Variants in CCDC148 observed in about 807,000 individuals in gnomAD.
CCDC148 encodes the protein coiled-coil domain-containing protein 148.
In CCDC148, 89 loss-of-function variants were observed where a neutral mutation model predicts 85.7. The observed-to-expected ratio is 1.04, with a 90% CI of 0.87 to 1.24. The LOEUF is 1.24. CCDC148 is among the 50% of genes most tolerant of loss of function. The pLI is 0.00. For missense variants in CCDC148, 692 were observed against 671.7 expected (o/e 1.03, Z -0.33); for synonymous variants, 230 against 213.9 (o/e 1.08, Z -0.66).
chr2:158,200,773 T>C (rs1304201247), intron 11 of CCDC148, among the ~76,000 whole-genome samples: 1 of 152,188 alleles, frequency 6.6e-6, no homozygotes, highest in Non-Finnish European at 1.5e-5. Context: ...TTTTCCCTTT[T>C]AATTTAGTAA....
intron 1 of CCDC148, among the ~76,000 whole-genome samples, chr2:158,370,158 G>A (rs1187878862): frequency 6.6e-6 from 1 of 151,980 alleles, no homozygotes; most frequent in African/African-American, 2.4e-5. Flanking sequence ...AGAGTATCAG[G>A]ATAGACAGCT....
chr2:158,296,758 C>T (rs560279298), intron 9 of CCDC148, among the ~76,000 whole-genome samples: 5 of 152,276 alleles, frequency 3.3e-5, no homozygotes, highest in Admixed American at 2.6e-4. Flanking sequence ...AAAACTAAGA[C>T]ATTTTAAGAG....
At chr2:158,328,064 T>C (rs1332357321) in intron 7 of CCDC148, among the ~76,000 whole-genome samples, 1 of 152,110 alleles carries the variant, frequency 6.6e-6, no homozygotes, top group Non-Finnish European at 1.5e-5. Context: ...GTGCACAATG[T>C]GCAGGTTAGT....
intron 1 of CCDC148, among the ~76,000 whole-genome samples, chr2:158,414,537 A>G (rs1330192403): frequency 6.6e-6 from 1 of 151,940 alleles, no homozygotes. Context: ...CATATGTAAC[A>G]AACCTGCACG....
intron 1 of CCDC148, among the ~76,000 whole-genome samples, chr2:158,440,024 AT>A (rs535949500): frequency 0.049 from 7,197 of 145,618 alleles, 246 homozygotes; most frequent in Middle Eastern, 0.07. Flanking sequence ...ACACCCAGAT[AT>A]TTTTTTTTTT....
intron 9 of CCDC148, among the ~76,000 whole-genome samples, chr2:158,294,838 A>C (rs975102629): frequency 5.9e-5 from 9 of 151,552 alleles, no homozygotes; most frequent in African/African-American, 1.9e-4. Context: ...AAAAAACAAA[A>C]AAAAACCTGC....
At chr2:158,268,995 A>G (rs1689587941) in intron 9 of CCDC148, among the ~76,000 whole-genome samples, 1 of 152,166 alleles carries the variant, frequency 6.6e-6, no homozygotes, top group Non-Finnish European at 1.5e-5. Context: ...GGTTGTTTCC[A>G]TATCTTGACT....
At chr2:158,329,257 T>C (rs1035980874) in intron 7 of CCDC148, among the ~76,000 whole-genome samples, 7 of 152,212 alleles carry the variant, frequency 4.6e-5, no homozygotes, top group African/African-American at 1.7e-4. Context: ...CCCAGCACCA[T>C]TTATTAAATA....
chr2:158,259,606 C>T (rs1212249679), intron 9 of CCDC148, among the ~76,000 whole-genome samples: 1 of 120,234 alleles, frequency 8.3e-6, no homozygotes, highest in Non-Finnish European at 1.9e-5. Flanking sequence ...CACATTTTTG[C>T]TTCCCTGCTC....
intron 9 of CCDC148, among the ~76,000 whole-genome samples, chr2:158,284,653 C>T (rs1177007039): frequency 1.8e-4 from 28 of 152,190 alleles, no homozygotes. Context: ...ACTTTTAATG[C>T]TTTCAGGAAT....
chr2:158,342,192 G>C (rs139813641), intron 3 of CCDC148, among the ~76,000 whole-genome samples: 231 of 151,304 alleles, frequency 1.5e-3, no homozygotes, highest in African/African-American at 5.5e-3. Flanking sequence ...ACCATGCCTG[G>C]CTAATTTTTG....
intron 9 of CCDC148, among the ~76,000 whole-genome samples, chr2:158,307,961 T>C (rs1327622352): frequency 3.3e-5 from 5 of 152,152 alleles, no homozygotes; most frequent in Admixed American, 3.3e-4. Context: ...TTCATGGGTA[T>C]GCGTGTGTGT....
At chr2:158,411,967 T>C (rs1372805724) in intron 1 of CCDC148, among the ~76,000 whole-genome samples, 1 of 152,132 alleles carries the variant, frequency 6.6e-6, no homozygotes, top group Non-Finnish European at 1.5e-5. Flanking sequence ...CTGGGAGTAG[T>C]GCAGTGGCTC....
chr2:158,251,479 G>T (rs564680517), intron 9 of CCDC148, among the ~76,000 whole-genome samples: 2 of 151,688 alleles, frequency 1.3e-5, no homozygotes, highest in African/African-American at 4.8e-5. Context: ...GTAAATATGC[G>T]TCACAATATA....
intron 1 of CCDC148, among the ~76,000 whole-genome samples, chr2:158,437,297 T>C (rs1171496351): frequency 3.9e-5 from 6 of 152,296 alleles, no homozygotes; most frequent in East Asian, 1.9e-4. Context: ...GTGGGCTTCA[T>C]CCCTGGGATA....
At position 158,456,726 on chromosome 2, in the gene CCDC148, T is replaced by A; in HGVS notation, c.-287A>T. On this transcript the variant is annotated 5_prime_UTR_variant, in exon 1 of 14. Coordinates refer to ENST00000283233, the MANE Select transcript of CCDC148 (RefSeq NM_138803.4). ...TCTCACACCCACCCTCTCCAGGCCC[T>A]CTCGCGCTGAACAGCATCGGTCTCT... 2.1e-6 allele frequency: 1 copy of A among 476,192 alleles called. No homozygotes were observed. Among genetic ancestry groups the A allele is most frequent in the Admixed American group, 3.7e-5 (1 of 27,168 alleles). The allele number at this position is 476,192 out of a possible 1,614,324, so 29.5% of individuals were successfully genotyped here. A position where few individuals can be genotyped will look rare whatever the true frequency, so the allele number is the denominator to read the frequency against.
At chr2:158,444,279 G>A (rs1260888866) in intron 1 of CCDC148, among the ~76,000 whole-genome samples, 1 of 151,996 alleles carries the variant, frequency 6.6e-6, no homozygotes. Flanking sequence ...GAAATCAAAA[G>A]GTTGAATAGA....
Position 158,456,349 on chromosome 2 carries a change from T to C in CCDC148, c.25+66A>G, listed in dbSNP as rs1018746560. 68 of 1,529,224 alleles carry C rather than the reference T, an allele frequency of 4.4e-5. 2 individuals carry two copies. The South Asian group carries it at 7.0e-4, about 16-fold the overall frequency. 94.7% of individuals were successfully genotyped at this position (1,529,224 alleles called of 1,614,324 possible). A position where few individuals can be genotyped will look rare whatever the true frequency, so the allele number is the denominator to read the frequency against. ...AGTGGCTGCAGAGAACAAACATAAGTAGGATTTAGGTGGCTCAGTGACGTC... is the reference window on the plus strand; with the variant it reads ...AGTGGCTGCAGAGAACAAACATAAGCAGGATTTAGGTGGCTCAGTGACGTC... On this transcript the variant is annotated intron_variant, in intron 1 of 13. Coordinates refer to ENST00000283233, the MANE Select transcript of CCDC148 (RefSeq NM_138803.4).
intron 10 of CCDC148, among the ~76,000 whole-genome samples, chr2:158,225,399 G>C: frequency 6.6e-6 from 1 of 152,068 alleles, no homozygotes; most frequent in Non-Finnish European, 1.5e-5. Flanking sequence ...AGATCAACGA[G>C]ACAGAAAGTT....
Sources: gnomAD v4.1 joint callset for allele counts (sites outside exome capture counted in the v4.1 genomes callset) on GRCh38, gnomAD v4.1.1 for gene constraint, MANE v1.5 for transcripts, NCBI Gene and HGNC (gene_info 2026-07-23, HGNC 2026-07-21) for gene names.